The following GOLGA4 variants were observed in gnomAD, a reference collection of about 807,000 sequenced individuals.
The protein encoded by GOLGA4 is golgin subfamily A member 4.
A neutral mutation model predicts 265.9 loss-of-function variants in GOLGA4; 169 were observed. That is an observed-to-expected ratio of 0.64 (90% CI 0.56 to 0.72). The LOEUF is 0.72. GOLGA4 is among the 30% of genes least tolerant of loss of function. The pLI, the probability that GOLGA4 is intolerant of heterozygous loss-of-function variation, is 0.00. For missense variants in GOLGA4, 2,482 were observed against 2,483.4 expected (o/e 1.00, Z 0.01); for synonymous variants, 923 against 855.8 (o/e 1.08, Z -1.37).
At chr3:37,275,901 T>A in intron 2 of GOLGA4, 11 of 1,613,664 alleles carry the variant, frequency 6.8e-6, no homozygotes, top group Non-Finnish European at 9.3e-6. Context: ...AAGTCTCTCA[T>A]CAAATCCTGG....
intron 14 of GOLGA4, 150 bp from the exon 15 acceptor site, chr3:37,328,266 A>ACT (rs1553621219): frequency 8.8e-6 from 6 of 678,106 alleles, no homozygotes; most frequent in South Asian, 1.8e-5. Context: ...ACACACACAC[A>ACT]CACTCACTCT....
At chr3:37,248,550 ACT>A (rs2096725661) in intron 1 of GOLGA4, among the ~76,000 whole-genome samples, 3 of 152,202 alleles carry the variant, frequency 2.0e-5, no homozygotes, top group African/African-American at 7.2e-5. Flanking sequence ...TTCTTTATGC[ACT>A]GTTATATACT....
At chr3:37,294,478 G>A (rs868400823) in intron 5 of GOLGA4, among the ~76,000 whole-genome samples, 6 of 150,660 alleles carry the variant, frequency 4.0e-5, no homozygotes, top group South Asian at 4.2e-4. Flanking sequence ...TCTTCCTCCC[G>A]GGTTCAAGTG....
intron 11 of GOLGA4, among the ~76,000 whole-genome samples, chr3:37,318,538 G>T (rs932999365): frequency 6.6e-6 from 1 of 151,006 alleles, no homozygotes; most frequent in African/African-American, 2.4e-5. Context: ...TGTTTATTTT[G>T]TCCAGTGGGC....
chr3:37,365,410 C>T (rs1696672417), intron 23 of GOLGA4, among the ~76,000 whole-genome samples: 1 of 152,172 alleles, frequency 6.6e-6, no homozygotes. Flanking sequence ...GCTGGGGTTA[C>T]AAGCACCACC....
At chr3:37,357,047 C>T (rs914780808) in intron 22 of GOLGA4, among the ~76,000 whole-genome samples, 1 of 151,374 alleles carries the variant, frequency 6.6e-6, no homozygotes, top group East Asian at 1.9e-4. Flanking sequence ...GGTAGTGAAT[C>T]GATAAAACTC....
intron 12 of GOLGA4, chr3:37,319,877 A>G (rs898648282): frequency 1.3e-5 from 2 of 152,204 alleles, no homozygotes; most frequent in African/African-American, 2.4e-5. Context: ...GGGACAAAAA[A>G]AGGAAAAGAT....
At chr3:37,303,617 A>C (rs1019201798) in intron 10 of GOLGA4, among the ~76,000 whole-genome samples, 5 of 152,196 alleles carry the variant, frequency 3.3e-5, no homozygotes, top group Admixed American at 2.0e-4. Context: ...GAATTTGGAA[A>C]TAAGAAATTG....
At chr3:37,322,253 G>A (rs1195968458) in intron 13 of GOLGA4, among the ~76,000 whole-genome samples, 1 of 152,118 alleles carries the variant, frequency 6.6e-6, no homozygotes, top group African/African-American at 2.4e-5. Context: ...CTTATGCCAT[G>A]TCCTGAACGT....
At chr3:37,294,944 A>G in intron 5 of GOLGA4, 35 bp from the exon 6 acceptor site, 1 of 1,385,656 alleles carries the variant, frequency 7.2e-7, no homozygotes, top group Non-Finnish European at 1.0e-6. Flanking sequence ...TTTGTTTTAT[A>G]CTGAAAATTA....
chr3:37,327,923 A>C (rs914453374), intron 14 of GOLGA4, 98 bp downstream of exon 14: 2 of 973,358 alleles, frequency 2.1e-6, no homozygotes, highest in Non-Finnish European at 3.0e-6. Flanking sequence ...TATTTGGATA[A>C]GTTTCACCAA....
intron 2 of GOLGA4, chr3:37,266,890 A>G (rs138532444): frequency 1.4e-4 from 184 of 1,288,744 alleles, no homozygotes; most frequent in African/African-American, 5.8e-4. Context: ...TGAGTATACT[A>G]TCTTTGCTTT....
In GOLGA4 at chr3:37,243,519, G is replaced by A; in HGVS notation, c.-32G>A. The A allele has an allele frequency of 1.2e-6, 2 of 1,607,434 alleles. No homozygotes were observed. Among genetic ancestry groups the A allele is most frequent in the South Asian group, 1.1e-5 (1 of 90,910 alleles). On this transcript the variant is annotated 5_prime_UTR_variant, in exon 1 of 24. Coordinates refer to ENST00000361924, the MANE Select transcript of GOLGA4 (RefSeq NM_002078.5). ...CCCGGGCTCTCGCCCTTCAGGTTTC[G>A]TTGACACTCAGGACCGTACGTACGC...
intron 7 of GOLGA4, among the ~76,000 whole-genome samples, chr3:37,298,547 CTT>C (rs2096884502): frequency 1.3e-5 from 2 of 152,176 alleles, no homozygotes; most frequent in Admixed American, 6.5e-5. Context: ...AATTTCTAAT[CTT>C]TTGGCTAATT....
At chr3:37,269,430 T>C (rs771173744) in intron 2 of GOLGA4, among the ~76,000 whole-genome samples, 3 of 151,990 alleles carry the variant, frequency 2.0e-5, no homozygotes, top group Non-Finnish European at 4.4e-5. Context: ...AACTTAAAAG[T>C]TGAAGGGAGA....
In GOLGA4 at chr3:37,325,860, A is replaced by G. The variant is rs556842605; in HGVS notation, c.3974A>G (p.Lys1325Arg). The G allele has an allele frequency of 4.3e-6, 7 of 1,613,676 alleles. No homozygotes were observed. Among genetic ancestry groups the G allele is most frequent in the Admixed American group, 3.3e-5 (2 of 60,008 alleles). The change falls in exon 14 of 24, where the codon AAG (lysine) becomes AGG (arginine). Residue 1325 changes from lysine (K) to arginine (R), a missense_variant. Lys to Arg is a conservative substitution (Grantham distance 26). Around this residue, in one of 3 missense-constraint regions of GOLGA4, gnomAD observed 1,536 missense variants for 1,483.7 expected, o/e 1.04. Transcript: ENST00000361924. ...GTAACAGAAAAAGAAGCCTTACAGA[A>G]GGAAGGAGGCAATCAGCAACAGGCT... ...SLVTEKEALQ[K>R]EGGNQQQAAS...
In GOLGA4 at chr3:37,363,304, T is replaced by TA. The variant is rs778459580; in HGVS notation, c.*33+2001dup. Among the ~76,000 whole-genome samples, 22 of 152,358 alleles carry TA rather than the reference T, an allele frequency of 1.4e-4. No individual in the cohort carries two copies. In the East Asian group the frequency reaches 3.3e-3, roughly 23 times the overall value. On this transcript the variant is annotated intron_variant, in intron 23 of 23. Coordinates refer to ENST00000361924, the MANE Select transcript of GOLGA4 (RefSeq NM_002078.5). ...ATTCTATAGCTAACCCATTAAGTCT[T>TA]AATGTTTTCCTTTTAAAATAATACT...
At chr3:37,350,886 AT>A (rs1458544327) in intron 21 of GOLGA4, among the ~76,000 whole-genome samples, 4 of 152,128 alleles carry the variant, frequency 2.6e-5, no homozygotes, top group Non-Finnish European at 4.4e-5. Context: ...TCAGCAAGTC[AT>A]AATATTTTTG....
chr3:37,251,433 C>G lies in GOLGA4; in HGVS notation c.111C>G (p.Ser37Arg), dbSNP rs766418605. The change falls in exon 2 of 24, where the codon AGC (serine) becomes AGG (arginine). Residue 37 changes from serine to arginine, a missense_variant. Coordinates refer to ENST00000361924, the MANE Select transcript of GOLGA4 (RefSeq NM_002078.5). ...SNSSTPTRMR[S>R]RTSSFTEQLD... The stretch of plus-strand genomic sequence containing the variant: ...CTTCAACACCAACAAGAATGAGGAG[C>G]AGGACATCTTCATTTACAGAGCAAC... The G allele has an allele frequency of 3.7e-6, 6 of 1,612,876 alleles. No homozygotes were observed. Among genetic ancestry groups the G allele is most frequent in the South Asian group, 2.2e-5 (2 of 91,066 alleles).
Sources: gnomAD v4.1 joint callset for allele counts (sites outside exome capture counted in the v4.1 genomes callset) on GRCh38, gnomAD v4.1.1 for gene constraint, gnomAD v4.1.1 regional missense constraint, MANE v1.5 for transcripts, NCBI Gene and HGNC (gene_info 2026-07-23, HGNC 2026-07-21) for gene names.